Variants in MID2 observed in about 807,000 individuals in gnomAD.
The protein encoded by MID2 is probable E3 ubiquitin-protein ligase MID2.
Under a neutral mutation model 46.1 loss-of-function variants are expected in MID2, and 13 were observed. The observed-to-expected ratio is 0.28, with a 90% confidence interval of 0.18 to 0.45. MID2 has a LOEUF of 0.45. Among genes scored for constraint, MID2 ranks in the 20% least tolerant of loss-of-function variants. The probability of loss-of-function intolerance (pLI) is 1.00; values close to 1 mark genes in which losing one functional copy is unlikely to be tolerated. For synonymous variants in MID2, 199 were observed against 212.3 expected (o/e 0.94, Z 0.55); for missense variants, 431 against 575.4 (o/e 0.75, Z 2.57).
At chrX:107,885,637 A>C (rs1176836503) in intron 3 of MID2, among the ~76,000 whole-genome samples, 1 of 111,209 alleles carries the variant, frequency 9.0e-6, no homozygotes. Context: ...GTATATACCC[A>C]GTAATGGGAT....
Position 107,924,517 on chromosome X carries a change from G to A in MID2, c.1597+13G>A. 3 of 1,208,695 alleles carry A rather than the reference G, an allele frequency of 2.5e-6. No individual in the cohort carries two copies. Among genetic ancestry groups the A allele is most frequent in the Non-Finnish European group, 2.2e-6 (2 of 893,134 alleles). On this transcript the variant is annotated intron_variant, in intron 8 of 9. Coordinates refer to ENST00000262843, the MANE Select transcript of MID2 (RefSeq NM_012216.4). ...CTAAAAACAAACAGTACGTTGTGGT[G>A]ATTTCAAAAGGAAAGATCAATTTTC...
intron 1 of MID2, among the ~76,000 whole-genome samples, chrX:107,839,896 T>C (rs1196406095): frequency 8.9e-6 from 1 of 112,314 alleles, no homozygotes; most frequent in Non-Finnish European, 1.9e-5. Flanking sequence ...ACTTTATTAT[T>C]GATCAGCAAC....
chrX:107,913,301 G>GTATA (rs748898681), intron 5 of MID2, among the ~76,000 whole-genome samples: 1 of 111,771 alleles, frequency 8.9e-6, no homozygotes, highest in East Asian at 2.8e-4. Flanking sequence ...ATCTTTTGAT[G>GTATA]TATAGTACAT....
chrX:107,859,547 T>C (rs1289393050), intron 3 of MID2, among the ~76,000 whole-genome samples: 1 of 112,108 alleles, frequency 8.9e-6, no homozygotes, highest in South Asian at 3.7e-4. Context: ...AAATGGCACC[T>C]GCCCTCAAGG....
At chrX:107,851,301 C>G (rs1490033429) in intron 2 of MID2, among the ~76,000 whole-genome samples, 2 of 111,580 alleles carry the variant, frequency 1.8e-5, no homozygotes, top group Non-Finnish European at 3.8e-5. Flanking sequence ...TTCACAAATT[C>G]TTCCAAAACC....
At chrX:107,854,780 A>G (rs751390121) in intron 3 of MID2, 76 bp downstream of exon 3, 1 of 706,170 alleles carries the variant, frequency 1.4e-6, no homozygotes, top group African/African-American at 2.1e-5. Context: ...CAGTTTTGTC[A>G]GAGTGTAGCC....
intron 3 of MID2, among the ~76,000 whole-genome samples, chrX:107,883,184 C>T (rs1932364773): frequency 9.0e-6 from 1 of 110,908 alleles, no homozygotes; most frequent in Admixed American, 9.6e-5. Context: ...GGGAACATTA[C>T]ACACTGGGGC....
At chrX:107,832,585 C>G (rs1931113530) in intron 1 of MID2, among the ~76,000 whole-genome samples, 1 of 111,423 alleles carries the variant, frequency 9.0e-6, no homozygotes, top group African/African-American at 3.3e-5. Flanking sequence ...GATGAAAAAG[C>G]TGTGGCCCAA....
rs145111927 is a variant in MID2 at position 107,891,505 on chromosome X, C to T, written c.817-12453C>T. On this transcript the variant is annotated intron_variant, in intron 3 of 9. Transcript: ENST00000262843. Reference sequence around the variant, plus strand: ...CATGTTGGTCAGGCTGAGCCTAAAACAGACCTCAAGTGATCTGCCCGCCTT... The same window carrying T: ...CATGTTGGTCAGGCTGAGCCTAAAATAGACCTCAAGTGATCTGCCCGCCTT... 4.1e-3 allele frequency among the ~76,000 whole-genome samples: 459 copies of T among 111,043 alleles called. 2 individuals carry two copies. The highest frequency in any genetic ancestry group is 0.014 in the African/African-American group (439 of 30,581).
At chrX:107,834,748 C>G (rs1013066294) in intron 1 of MID2, among the ~76,000 whole-genome samples, 3 of 111,549 alleles carry the variant, frequency 2.7e-5, no homozygotes, top group African/African-American at 9.8e-5. Context: ...TTGAAAGGAA[C>G]AAGCAATCCA....
intron 3 of MID2, among the ~76,000 whole-genome samples, chrX:107,886,705 A>G (rs1932461230): frequency 9.0e-6 from 1 of 111,657 alleles, no homozygotes. Flanking sequence ...TCTATAAATT[A>G]CCTTGGGCAG....
chrX:107,854,555 C>CT, intron 2 of MID2, 54 bp from the exon 3 acceptor site: 1 of 903,226 alleles, frequency 1.1e-6, no homozygotes, highest in Non-Finnish European at 1.6e-6. Context: ...GCTCATGGTT[C>CT]TTTTTTCCCC....
intron 3 of MID2, among the ~76,000 whole-genome samples, chrX:107,872,589 T>A (rs901316681): frequency 8.9e-6 from 1 of 112,125 alleles, no homozygotes; most frequent in Admixed American, 9.4e-5. Context: ...TACTCGGGTA[T>A]AGTGAATACA....
rs1228519946 is a variant in MID2, at chrX:107,878,458, C to T, written c.816+23754C>T. On this transcript the variant is annotated intron_variant, in intron 3 of 9. Transcript: ENST00000262843. Reference sequence around the variant, plus strand: ...ATATCTGATTGCTGGGCCAAATGTTCATTCTACTTAATAACATTTCTGCAG... The same window carrying T: ...ATATCTGATTGCTGGGCCAAATGTTTATTCTACTTAATAACATTTCTGCAG... Among the ~76,000 whole-genome samples the T allele has an allele frequency of 5.3e-5, 6 of 112,678 alleles. No individual in the cohort carries two copies. In the East Asian group the frequency reaches 1.7e-3, roughly 31 times the overall value.
chrX:107,854,163 AGTT>A (rs1180887128), intron 2 of MID2, among the ~76,000 whole-genome samples: 1 of 111,714 alleles, frequency 9.0e-6, no homozygotes, highest in Non-Finnish European at 1.9e-5. Flanking sequence ...AAATTTCTTA[AGTT>A]GAAAATGCTC....
At chrX:107,829,525 G>A (rs1234635601) in intron 1 of MID2, among the ~76,000 whole-genome samples, 1 of 112,434 alleles carries the variant, frequency 8.9e-6, no homozygotes, top group Non-Finnish European at 1.9e-5. Flanking sequence ...AATGAAAAGT[G>A]TCATAAATAA....
At chrX:107,846,890 A>G (rs762035055) in intron 2 of MID2, among the ~76,000 whole-genome samples, 6 of 112,310 alleles carry the variant, frequency 5.3e-5, no homozygotes, top group Non-Finnish European at 1.1e-4. Context: ...AAATGTTGAC[A>G]CAGAGATTGT....
intron 3 of MID2, among the ~76,000 whole-genome samples, chrX:107,875,812 G>A (rs893821927): frequency 4.5e-5 from 5 of 111,939 alleles, no homozygotes; most frequent in Admixed American, 9.4e-5. Flanking sequence ...GAAGGGGCCC[G>A]GATTGGAGAG....
At chrX:107,857,884 G>C (rs1007520887) in intron 3 of MID2, among the ~76,000 whole-genome samples, 1 of 111,879 alleles carries the variant, frequency 8.9e-6, no homozygotes, top group Non-Finnish European at 1.9e-5. Flanking sequence ...ACATTCGGCG[G>C]GGGCGGAGGA....
Sources: allele counts gnomAD v4.1 joint callset (sites outside exome capture counted in the v4.1 genomes callset), GRCh38; gene constraint gnomAD v4.1.1; transcripts MANE v1.5; gene names NCBI Gene and HGNC (gene_info 2026-07-23, HGNC 2026-07-21).